PDE4B: variants seen among roughly 807,000 people sequenced by gnomAD.
PDE4B encodes phosphodiesterase 4B, also known as 3',5'-cyclic-AMP phosphodiesterase 4B.
PDE4B carries 20 observed loss-of-function variants against 82.2 expected under a neutral mutation model. That is an observed-to-expected ratio of 0.24 (90% CI 0.17 to 0.35). The LOEUF is 0.35. Ranked by LOEUF, PDE4B falls within the 10% of genes least tolerant of loss-of-function variation. The pLI is 1.00. For missense variants in PDE4B, 655 were observed against 907.2 expected (o/e 0.72, Z 3.57); for synonymous variants, 320 against 318.9 (o/e 1.00, Z -0.04).
At chr1:65,872,920 A>G (rs1266698833) in intron 1 of PDE4B, among the ~76,000 whole-genome samples, 1 of 152,152 alleles carries the variant, frequency 6.6e-6, no homozygotes, top group Non-Finnish European at 1.5e-5. Flanking sequence ...TTTGAGATTA[A>G]TGATTTATTC....
chr1:65,825,366 C>A (rs1646002010), intron 1 of PDE4B, among the ~76,000 whole-genome samples: 1 of 152,124 alleles, frequency 6.6e-6, no homozygotes, highest in Non-Finnish European at 1.5e-5. Flanking sequence ...TTCATGATGA[C>A]CCTGTTTAGC....
At chr1:65,795,743 A>G (rs1023699214) in intron 1 of PDE4B, among the ~76,000 whole-genome samples, 1 of 152,196 alleles carries the variant, frequency 6.6e-6, no homozygotes, top group Non-Finnish European at 1.5e-5. Context: ...GAGGGCTTGC[A>G]TTGCAGCTCT....
chr1:66,368,423 TCTC>T (rs1248916938), intron 15 of PDE4B, among the ~76,000 whole-genome samples: 1 of 152,226 alleles, frequency 6.6e-6, no homozygotes, highest in East Asian at 1.9e-4. Context: ...CATCAGCTGT[TCTC>T]CTCTTTCCAC....
At chr1:66,255,746 T>C (rs1654167622) in intron 4 of PDE4B, among the ~76,000 whole-genome samples, 1 of 152,262 alleles carries the variant, frequency 6.6e-6, no homozygotes, top group Non-Finnish European at 1.5e-5. Flanking sequence ...TTTTTAATTC[T>C]CATTCTGTAT....
rs1208151457 is a variant in PDE4B at position 66,372,628 on chromosome 1, G to A, written c.2161G>A (p.Glu721Lys). The change falls in exon 17 of 17, where the codon GAG becomes AAG. Residue 721 changes from glutamate (E) to lysine (K), a missense_variant. Around this residue, in one of 3 missense-constraint regions of PDE4B, gnomAD observed 119 missense variants for 115.2 expected, o/e 1.03. Coordinates refer to ENST00000341517, the MANE Select transcript of PDE4B (RefSeq NM_002600.4). ...IDPENRDSLG[E>K]TDIDIATEDK... ...TCCAGAAAACAGAGATTCCCTGGGA[G>A]AGACTGACATAGACATTGCAACAGA... is the stretch of plus-strand genomic sequence containing the variant. 6.2e-7 allele frequency: 1 copy of A among 1,614,120 alleles called. No homozygotes were observed. Among genetic ancestry groups the A allele is most frequent in the Admixed American group, 1.7e-5 (1 of 60,008 alleles).
intron 3 of PDE4B, among the ~76,000 whole-genome samples, chr1:66,016,342 C>T (rs940151914): frequency 6.6e-6 from 1 of 152,142 alleles, no homozygotes; most frequent in African/African-American, 2.4e-5. Context: ...TTCATTAACT[C>T]ATCATTTGTT....
intron 3 of PDE4B, among the ~76,000 whole-genome samples, chr1:65,941,000 C>T (rs1648415741): frequency 6.6e-6 from 1 of 151,604 alleles, no homozygotes. Context: ...TGATATTTTG[C>T]TTTTTTTTGC....
At chr1:66,119,286 T>G (rs1351597319) in intron 3 of PDE4B, among the ~76,000 whole-genome samples, 1 of 152,174 alleles carries the variant, frequency 6.6e-6, no homozygotes, top group East Asian at 1.9e-4. Context: ...GGTGGTGTGT[T>G]TTCCACTGTG....
chr1:65,836,582 T>A (rs969895611), intron 1 of PDE4B, among the ~76,000 whole-genome samples: 2 of 152,212 alleles, frequency 1.3e-5, no homozygotes, highest in Admixed American at 6.5e-5. Context: ...TGCTCACACA[T>A]ACTAAGCTAA....
intron 7 of PDE4B, among the ~76,000 whole-genome samples, chr1:66,282,167 T>C (rs1350179169): frequency 6.6e-6 from 1 of 152,152 alleles, no homozygotes; most frequent in African/African-American, 2.4e-5. Context: ...TTTAATCTGT[T>C]TTTTTTTCCT....
At chr1:66,284,456 GCA>G (rs909070249) in intron 7 of PDE4B, among the ~76,000 whole-genome samples, 12 of 152,102 alleles carry the variant, frequency 7.9e-5, no homozygotes, top group Non-Finnish European at 1.6e-4. Context: ...ATTTCATAAG[GCA>G]AAGTGAGAAA....
Position 66,192,868 on chromosome 1 carries a change from A to C in PDE4B, c.282-54592A>C, listed in dbSNP as rs181700293. On this transcript the variant is annotated intron_variant, in intron 3 of 16. Transcript: ENST00000341517. ...TTTGCCAGGCCTGTGTTAAGCACCA[A>C]ACATATAATCATACCTCAGTCTATC... 1.1e-3 allele frequency among the ~76,000 whole-genome samples: 168 copies of C among 152,270 alleles called. 1 individual carries two copies. Among genetic ancestry groups the C allele is most frequent in the African/African-American group, 4.0e-3 (165 of 41,558 alleles).
chr1:66,032,129 C>T (rs1653811349), intron 3 of PDE4B, among the ~76,000 whole-genome samples: 1 of 152,202 alleles, frequency 6.6e-6, no homozygotes, highest in South Asian at 2.1e-4. Context: ...TCAGTTTCCT[C>T]CTCAGTATAA....
chr1:66,178,239 C>A (rs1428790434), intron 3 of PDE4B, among the ~76,000 whole-genome samples: 1 of 151,868 alleles, frequency 6.6e-6, no homozygotes, highest in Non-Finnish European at 1.5e-5. Context: ...CTACTCTATG[C>A]CAATTTAGGG....
intron 3 of PDE4B, among the ~76,000 whole-genome samples, chr1:66,008,225 G>C (rs1375315264): frequency 6.6e-6 from 1 of 152,122 alleles, no homozygotes; most frequent in African/African-American, 2.4e-5. Flanking sequence ...ACAAAGGGGA[G>C]TATTTTGGAG....
intron 3 of PDE4B, among the ~76,000 whole-genome samples, chr1:65,959,025 C>T (rs1649414494): frequency 6.6e-6 from 1 of 152,104 alleles, no homozygotes; most frequent in Non-Finnish European, 1.5e-5. Context: ...GTTTTATTTT[C>T]CAACACAAGA....
chr1:66,244,009 A>G (rs1232077638), intron 3 of PDE4B, among the ~76,000 whole-genome samples: 1 of 152,226 alleles, frequency 6.6e-6, no homozygotes, highest in South Asian at 2.1e-4. Context: ...GTCTTAATCT[A>G]TCTGAAACTT....
intron 6 of PDE4B, among the ~76,000 whole-genome samples, chr1:66,265,699 C>T (rs200106045): frequency 1.3e-5 from 2 of 151,622 alleles, no homozygotes; most frequent in Non-Finnish European, 3.0e-5. Context: ...TCTGGCATTT[C>T]GAGTGATGCC....
At chr1:65,822,805 A>G (rs894560910) in intron 1 of PDE4B, among the ~76,000 whole-genome samples, 1 of 152,140 alleles carries the variant, frequency 6.6e-6, no homozygotes, top group African/African-American at 2.4e-5. Flanking sequence ...TGAACCTGCC[A>G]GTGTCTTGAT....
Sources: gnomAD v4.1 joint callset for allele counts (sites outside exome capture counted in the v4.1 genomes callset) on GRCh38, gnomAD v4.1.1 for gene constraint, gnomAD v4.1.1 regional missense constraint, MANE v1.5 for transcripts, NCBI Gene and HGNC (gene_info 2026-07-23, HGNC 2026-07-21) for gene names.